The following MRPL3 variants were observed in gnomAD, a reference collection of about 807,000 sequenced individuals.
MRPL3 encodes large ribosomal subunit protein uL3m.
MRPL3 carries 43 observed loss-of-function variants against 44.3 expected under a neutral mutation model. The ratio of observed to expected loss-of-function variants is 0.97; its 90% CI spans 0.76 to 1.25. The LOEUF is 1.25. Ranked by LOEUF, MRPL3 falls within the 50% of genes most tolerant of loss-of-function variation. The pLI is 0.00. For missense variants in MRPL3, 406 were observed against 427.6 expected (o/e 0.95, Z 0.45); for synonymous variants, 171 against 152.3 (o/e 1.12, Z -0.91).
Position 131,482,532 on chromosome 3 carries a change from T to A in MRPL3, c.629+5148A>T, listed in dbSNP as rs960770999. ...TCCGTCTCAAAAAAAAAAAAAAAAA[T>A]TTTATTACTAAGATAACATTGTCAA... On this transcript the variant is annotated intron_variant, in intron 6 of 9. Coordinates refer to ENST00000264995, the MANE Select transcript of MRPL3 (RefSeq NM_007208.4). 3.3e-4 allele frequency among the ~76,000 whole-genome samples: 49 copies of A among 150,504 alleles called. 1 individual carries two copies. The highest frequency in any genetic ancestry group is 1.4e-3 in the Admixed American group (21 of 15,102).
rs1260617076 is a variant in MRPL3 at position 131,462,661 on chromosome 3, T to C, written c.*62A>G. 6.2e-6 allele frequency: 9 copies of C among 1,461,696 alleles called. No homozygotes were observed. In the African/African-American group the frequency reaches 8.5e-5, roughly 14 times the overall value. The allele number at this position is 1,461,696 out of a possible 1,614,324, so 90.5% of individuals were successfully genotyped here. A position where few individuals can be genotyped will look rare whatever the true frequency, so the allele number is the denominator to read the frequency against. On this transcript the variant is annotated 3_prime_UTR_variant, in exon 10 of 10. Transcript: ENST00000264995. ...AGGAGAGTATGATTTCTGGTGGTTA[T>C]GATATCACTCTGGCTCATCGAAGCT...
rs527905246 is a variant in MRPL3 at position 131,463,941 on chromosome 3, A to G, written c.895-1066T>C. ...AAGAAATGAATAATTTGGTTGAAAT[A>G]AAGTACACAGCTGCTAGGAACAGCT... On this transcript the variant is annotated intron_variant, in intron 9 of 9. Coordinates refer to ENST00000264995, the MANE Select transcript of MRPL3 (RefSeq NM_007208.4). Among the ~76,000 whole-genome samples, 241 of 152,292 alleles carry G rather than the reference A, an allele frequency of 1.6e-3. 1 individual carries two copies. The highest frequency in any genetic ancestry group is 2.6e-3 in the Non-Finnish European group (175 of 68,000).
Position 131,462,672 on chromosome 3 carries a change from T to C in MRPL3, c.*51A>G. 2.0e-6 allele frequency: 3 copies of C among 1,533,466 alleles called. No individual in the cohort carries two copies. The allele number at this position is 1,533,466 out of a possible 1,614,324, so 95.0% of individuals were successfully genotyped here. On this transcript the variant is annotated 3_prime_UTR_variant, in exon 10 of 10. Transcript: ENST00000264995. ...ATTTCTGGTGGTTATGATATCACTC[T>C]GGCTCATCGAAGCTCACAGAATATG...
chr3:131,466,227 A>G lies in MRPL3; in HGVS notation c.894+1864T>C, dbSNP rs184953757. Among the ~76,000 whole-genome samples the G allele has an allele frequency of 6.6e-5, 10 of 152,266 alleles. No individual in the cohort carries two copies. In the East Asian group the frequency reaches 1.9e-3, roughly 29 times the overall value. Reference sequence around the variant, plus strand: ...AACCTAGAAATGAAAAAAAATATATAAGGAAACACTGAGTTTAAAAAATCA... The same window carrying G: ...AACCTAGAAATGAAAAAAAATATATGAGGAAACACTGAGTTTAAAAAATCA... On this transcript the variant is annotated intron_variant, in intron 9 of 9. Transcript: ENST00000264995.
rs373320411 is a variant in MRPL3, at chr3:131,490,099, A to G, written c.469-19T>C. On this transcript the variant is annotated intron_variant, in intron 4 of 9. Coordinates refer to ENST00000264995, the MANE Select transcript of MRPL3 (RefSeq NM_007208.4). Reference sequence around the variant, plus strand: ...TAGCTTTCTAGAGGAAAAGCAGCACATATAAGTAATACATTGAATATTAAA... The same window carrying G: ...TAGCTTTCTAGAGGAAAAGCAGCACGTATAAGTAATACATTGAATATTAAA... The G allele has an allele frequency of 6.7e-7, 1 of 1,485,114 alleles. No homozygotes were observed. Among genetic ancestry groups the G allele is most frequent in the African/African-American group, 1.4e-5 (1 of 72,214 alleles). The allele number at this position is 1,485,114 out of a possible 1,614,324, so 92.0% of individuals were successfully genotyped here.
At chr3:131,490,391 G>C (rs551901518) in intron 4 of MRPL3, among the ~76,000 whole-genome samples, 1 of 152,122 alleles carries the variant, frequency 6.6e-6, no homozygotes, top group Admixed American at 6.5e-5. Flanking sequence ...ATTCTGACTG[G>C]AGACTGTCTG....
chr3:131,476,093 A>G (rs1358184616), intron 6 of MRPL3, among the ~76,000 whole-genome samples: 1 of 152,232 alleles, frequency 6.6e-6, no homozygotes, highest in Non-Finnish European at 1.5e-5. Flanking sequence ...AAGATAACTT[A>G]GCTCATTTTA....
Position 131,498,255 on chromosome 3 carries a change from T to G in MRPL3, c.392A>C (p.Lys131Thr). Residue 131 changes from lysine to threonine, a missense_variant, in exon 4 of 10, where the codon AAA becomes ACA. Physicochemically the swap from Lys to Thr is moderately conservative, Grantham distance 78 (BLOSUM62 -1). Coordinates refer to ENST00000264995, the MANE Select transcript of MRPL3 (RefSeq NM_007208.4). Reference protein sequence around the residue: ...LLQVQDCHVLKYTSKENCNGK... With the variant: ...LLQVQDCHVLTYTSKENCNGK... ...ATTACAGTTTTCCTTTGACGTATAT[T>G]TTAAGACATGACAGTCTTGTACCTA... is the stretch of plus-strand genomic sequence containing the variant. 3 of 1,610,106 alleles carry G rather than the reference T, an allele frequency of 1.9e-6. No homozygotes were observed. The highest frequency in any genetic ancestry group is 1.7e-6 in the Non-Finnish European group (2 of 1,176,508).
chr3:131,498,907 C>T (rs1357440392), intron 3 of MRPL3, among the ~76,000 whole-genome samples: 1 of 152,086 alleles, frequency 6.6e-6, no homozygotes, highest in Non-Finnish European at 1.5e-5. Context: ...CAAGCAGTGT[C>T]AGGATTCCCT....
In MRPL3 at chr3:131,467,234, A is replaced by ACG. The variant is rs766544064; in HGVS notation, c.894+855_894+856dup. ...ATTCTCTAGAATATTCTTCAGCCAT[A>ACG]CGCGCGCACACACACACACATACAC... On this transcript the variant is annotated intron_variant, in intron 9 of 9. Coordinates refer to ENST00000264995, the MANE Select transcript of MRPL3 (RefSeq NM_007208.4). 3.2e-3 allele frequency among the ~76,000 whole-genome samples: 477 copies of ACG among 147,594 alleles called. 1 individual carries two copies. Among genetic ancestry groups the ACG allele is most frequent in the Non-Finnish European group, 4.7e-3 (311 of 66,336 alleles).
intron 9 of MRPL3, among the ~76,000 whole-genome samples, chr3:131,463,394 A>G (rs1299391811): frequency 3.9e-5 from 6 of 151,922 alleles, no homozygotes. Context: ...AAAAAAAAAA[A>G]GTCCTGTATT....
chr3:131,484,526 A>G (rs146967673), intron 6 of MRPL3, among the ~76,000 whole-genome samples: 7 of 152,308 alleles, frequency 4.6e-5, no homozygotes, highest in Non-Finnish European at 1.0e-4. Context: ...TCCAGAAGAT[A>G]GAGCCGAAAA....
At chr3:131,466,500 C>G (rs1933604373) in intron 9 of MRPL3, among the ~76,000 whole-genome samples, 1 of 151,938 alleles carries the variant, frequency 6.6e-6, no homozygotes, top group Non-Finnish European at 1.5e-5. Context: ...GCTATCGGTA[C>G]AAATTTTTTA....
At chr3:131,502,670 A>G in intron 1 of MRPL3, 60 bp downstream of exon 1, 1 of 1,435,828 alleles carries the variant, frequency 7.0e-7, no homozygotes, top group South Asian at 1.3e-5. Flanking sequence ...CAACTGCACC[A>G]GGCCATTCCA....
intron 6 of MRPL3, among the ~76,000 whole-genome samples, chr3:131,481,725 T>G (rs868648524): frequency 6.6e-6 from 1 of 152,208 alleles, no homozygotes; most frequent in African/African-American, 2.4e-5. Context: ...TCATTTTGAC[T>G]GATTTAAGAG....
intron 5 of MRPL3, among the ~76,000 whole-genome samples, chr3:131,489,647 G>A (rs888958655): frequency 6.6e-6 from 1 of 152,000 alleles, no homozygotes; most frequent in Admixed American, 6.6e-5. Flanking sequence ...TTCTACCTAA[G>A]CAAGAGCCTG....
At chr3:131,486,628 C>A (rs957799267) in intron 6 of MRPL3, among the ~76,000 whole-genome samples, 2 of 151,922 alleles carry the variant, frequency 1.3e-5, no homozygotes, top group Admixed American at 1.3e-4. Flanking sequence ...AAAAAACCAA[C>A]CCCATCAAAA....
In MRPL3 at chr3:131,500,229, G is replaced by A. The variant is rs563898323; in HGVS notation, c.369+201C>T. On this transcript the variant is annotated intron_variant, in intron 3 of 9. Transcript: ENST00000264995. ...CATTGCTCCAGTTATCCCAATACCA[G>A]TATCAGAAGGCCACTGCTCAGGCAA... is the stretch of plus-strand genomic sequence containing the variant. 8.5e-5 allele frequency among the ~76,000 whole-genome samples: 13 copies of A among 152,306 alleles called. No individual in the cohort carries two copies. The South Asian group carries it at 2.7e-3, about 32-fold the overall frequency.
At chr3:131,471,782 C>T (rs1022588657) in intron 6 of MRPL3, among the ~76,000 whole-genome samples, 3 of 152,158 alleles carry the variant, frequency 2.0e-5, no homozygotes, top group Non-Finnish European at 4.4e-5. Context: ...TGAGATGTCA[C>T]TTCTGAGATT....
Sources: gnomAD v4.1 joint callset for allele counts (sites outside exome capture counted in the v4.1 genomes callset) on GRCh38, gnomAD v4.1.1 for gene constraint, MANE v1.5 for transcripts, NCBI Gene and HGNC (gene_info 2026-07-23, HGNC 2026-07-21) for gene names.